The following LRCH3 variants were observed in gnomAD, a reference collection of about 807,000 sequenced individuals.
LRCH3 encodes leucine rich repeats and calponin homology domain containing 3.
A neutral mutation model predicts 104.5 loss-of-function variants in LRCH3; 68 were observed. That is an observed-to-expected ratio of 0.65 (90% CI 0.54 to 0.80). LRCH3 has a LOEUF of 0.80. Among genes scored for constraint, LRCH3 ranks in the 30% least tolerant of loss-of-function variants. The pLI, the probability that LRCH3 is intolerant of heterozygous loss-of-function variation, is 0.00. For missense variants in LRCH3, 951 were observed against 953.9 expected (o/e 1.00, Z 0.04); for synonymous variants, 344 against 361.3 (o/e 0.95, Z 0.54).
intron 20 of LRCH3, among the ~76,000 whole-genome samples, chr3:197,878,820 T>C (rs2109561062): frequency 6.6e-6 from 1 of 152,390 alleles, no homozygotes; most frequent in East Asian, 1.9e-4. Context: ...CTCCAGGTCA[T>C]TCTGGCCTTT....
chr3:197,793,006 C>A (rs1303706617), intron 1 of LRCH3, among the ~76,000 whole-genome samples: 2 of 152,172 alleles, frequency 1.3e-5, no homozygotes. Context: ...CCAGGCTGGT[C>A]TCCAACTCCT....
In LRCH3 at chr3:197,875,696, A is replaced by G; in HGVS notation, c.2131-2A>G. 6.5e-7 allele frequency: 1 copy of G among 1,533,398 alleles called. No homozygotes were observed. The highest frequency in any genetic ancestry group is 8.7e-7 in the Non-Finnish European group (1 of 1,145,854). 95.0% of individuals were successfully genotyped at this position (1,533,398 alleles called of 1,614,324 possible). On this transcript the variant is annotated splice_acceptor_variant, in intron 19 of 20. Coordinates refer to ENST00000425562, the MANE Select transcript of LRCH3 (RefSeq NM_001365715.1). LOFTEE classifies it high-confidence loss of function. Reference sequence around the variant, plus strand: ...TAACACATTTTCTTTTCCTCATTTCAGCCTAAATTAACAATGGCGAAATGC... The same window carrying G: ...TAACACATTTTCTTTTCCTCATTTCGGCCTAAATTAACAATGGCGAAATGC...
intron 15 of LRCH3, among the ~76,000 whole-genome samples, chr3:197,863,539 G>A (rs1327470625): frequency 6.6e-6 from 1 of 152,154 alleles, no homozygotes; most frequent in African/African-American, 2.4e-5. Context: ...GATTACAGAT[G>A]TGGCCCATCG....
At chr3:197,804,434 CCTT>C (rs1437765944) in intron 1 of LRCH3, among the ~76,000 whole-genome samples, 4 of 152,090 alleles carry the variant, frequency 2.6e-5, no homozygotes, top group Non-Finnish European at 5.9e-5. Context: ...CTGCACCCCT[CCTT>C]AAGTTATACT....
chr3:197,875,698 C>G lies in LRCH3; in HGVS notation c.2131C>G (p.Pro711Ala). Residue 711 changes from proline to alanine, a missense_variant and splice_region_variant, in exon 20 of 21, where the codon CCT (proline) becomes GCT (alanine). Coordinates refer to ENST00000425562, the MANE Select transcript of LRCH3 (RefSeq NM_001365715.1). The stretch of plus-strand genomic sequence containing the variant: ...ACACATTTTCTTTTCCTCATTTCAG[C>G]CTAAATTAACAATGGCGAAATGCAG... ...PSIHVPSPAV[P>A]KLTMAKCRRN... The G allele has an allele frequency of 1.3e-6, 2 of 1,533,494 alleles. No homozygotes were observed. Among genetic ancestry groups the G allele is most frequent in the Non-Finnish European group, 1.7e-6 (2 of 1,145,948 alleles). 95.0% of individuals were successfully genotyped at this position (1,533,494 alleles called of 1,614,324 possible). A position where few individuals can be genotyped will look rare whatever the true frequency, so the allele number is the denominator to read the frequency against.
chr3:197,817,474 G>A (rs1733990626), intron 3 of LRCH3, among the ~76,000 whole-genome samples, 172 bp downstream of exon 3: 1 of 149,878 alleles, frequency 6.7e-6, no homozygotes, highest in South Asian at 2.1e-4. Flanking sequence ...TTATTTTCCA[G>A]TATTGGTAAT....
chr3:197,819,401 G>A (rs1734232452), intron 3 of LRCH3, among the ~76,000 whole-genome samples: 2 of 150,252 alleles, frequency 1.3e-5, no homozygotes, highest in South Asian at 4.2e-4. Flanking sequence ...CCATTTTAAT[G>A]CCTAGAGCAT....
chr3:197,814,486 T>C (rs961461235), intron 1 of LRCH3, among the ~76,000 whole-genome samples: 15 of 152,208 alleles, frequency 9.9e-5, no homozygotes, highest in African/African-American at 3.4e-4. Flanking sequence ...TTTTTGGGTG[T>C]GTGTCATAAA....
rs1735267498 is a variant in LRCH3, at chr3:197,826,920, A to G, written c.683A>G (p.Asn228Ser). The G allele has an allele frequency of 1.2e-6, 2 of 1,613,996 alleles. No individual in the cohort carries two copies. The highest frequency in any genetic ancestry group is 1.7e-6 in the Non-Finnish European group (2 of 1,180,026). Reference protein sequence around the residue: ...LPLIRLDFSCNKITTIPVCYR... With the variant: ...LPLIRLDFSCSKITTIPVCYR... Reference sequence around the variant, plus strand: ...TTGATACGGTTAGACTTCTCATGCAATAAAATTACCACAATCCCTGTTTGT... The same window carrying G: ...TTGATACGGTTAGACTTCTCATGCAGTAAAATTACCACAATCCCTGTTTGT... Residue 228 changes from asparagine (N) to serine (S), a missense_variant, in exon 5 of 21, where the codon AAT (asparagine) becomes AGT (serine). Transcript: ENST00000425562.
Position 197,865,446 on chromosome 3 carries a change from AT to A in LRCH3, c.1742del (p.Leu581Ter). 6.4e-7 allele frequency: 1 copy of A among 1,561,136 alleles called. No individual in the cohort carries two copies. The highest frequency in any genetic ancestry group is 2.4e-5 in the East Asian group (1 of 41,370). ...LKSDDRPNALLSSPATETVHH... is the reference protein window; with the variant it reads ...LKSDDRPNALXSSPATETVHH... The stretch of plus-strand genomic sequence containing the variant: ...AGAGTGATGACAGACCTAATGCTCT[AT>A]TAAGTTCACCTGCAACAGAAACAGG... On this transcript the variant is annotated frameshift_variant, in exon 16 of 21. Coordinates refer to ENST00000425562, the MANE Select transcript of LRCH3 (RefSeq NM_001365715.1). LOFTEE classifies it high-confidence loss of function.
chr3:197,833,857 C>T (rs904605869), intron 8 of LRCH3, among the ~76,000 whole-genome samples: 4 of 152,114 alleles, frequency 2.6e-5, no homozygotes, highest in East Asian at 1.9e-4. Flanking sequence ...CTTCAGAAAT[C>T]GTCTTAATAT....
chr3:197,792,577 T>TTTTATATATATATATATATATATATA (rs1553912028), intron 1 of LRCH3, among the ~76,000 whole-genome samples: 6 of 20,344 alleles, frequency 2.9e-4, no homozygotes, highest in African/African-American at 7.0e-4. Context: ...CCAGCTAATT[T>TTTTATATATATATATATATATATATA]TATATATATA....
intron 10 of LRCH3, among the ~76,000 whole-genome samples, chr3:197,846,483 G>C (rs1187168537): frequency 2.0e-5 from 3 of 151,182 alleles, no homozygotes; most frequent in African/African-American, 7.3e-5. Flanking sequence ...GATGGCTTGA[G>C]GGGCAGGAGT....
At chr3:197,824,573 CTTT>C (rs1266534474) in intron 4 of LRCH3, among the ~76,000 whole-genome samples, 2 of 140,636 alleles carry the variant, frequency 1.4e-5, no homozygotes, top group African/African-American at 2.6e-5. Context: ...TGCTGCCCAG[CTTT>C]TTTTTTTTTT....
chr3:197,860,596 TC>T (rs1190691742), intron 15 of LRCH3, among the ~76,000 whole-genome samples: 1 of 146,288 alleles, frequency 6.8e-6, no homozygotes, highest in Non-Finnish European at 1.5e-5. Flanking sequence ...TTGTATCATG[TC>T]CTTTTTTTTT....
chr3:197,879,334 G>C (rs530301409), intron 20 of LRCH3, among the ~76,000 whole-genome samples: 2 of 152,236 alleles, frequency 1.3e-5, no homozygotes, highest in East Asian at 1.9e-4. Flanking sequence ...ACACATTCTC[G>C]AGCTGGACTT....
At chr3:197,833,208 A>G (rs1425704056) in intron 8 of LRCH3, among the ~76,000 whole-genome samples, 6 of 152,012 alleles carry the variant, frequency 3.9e-5, no homozygotes, top group African/African-American at 1.5e-4. Flanking sequence ...ACATGTGATA[A>G]TTATTGAGTA....
intron 1 of LRCH3, among the ~76,000 whole-genome samples, chr3:197,794,338 G>A (rs1053818205): frequency 1.3e-5 from 2 of 152,174 alleles, no homozygotes; most frequent in Non-Finnish European, 2.9e-5. Context: ...TCACTAATTT[G>A]CTCAAAGATC....
At chr3:197,803,273 T>C (rs1191047306) in intron 1 of LRCH3, among the ~76,000 whole-genome samples, 2 of 152,214 alleles carry the variant, frequency 1.3e-5, no homozygotes, top group African/African-American at 2.4e-5. Context: ...ATAAAATTTG[T>C]GGCTTCTGGC....
Sources: gnomAD v4.1 joint callset for allele counts (sites outside exome capture counted in the v4.1 genomes callset) on GRCh38, gnomAD v4.1.1 for gene constraint, MANE v1.5 for transcripts, NCBI Gene and HGNC (gene_info 2026-07-23, HGNC 2026-07-21) for gene names.